Variants in NAV3 observed in about 807,000 individuals in gnomAD.
NAV3 encodes the protein pore membrane and/or filament interacting like protein 1.
A neutral mutation model predicts 244.7 loss-of-function variants in NAV3; 87 were observed. The observed-to-expected ratio is 0.36, with a 90% confidence interval of 0.30 to 0.42. NAV3 has a LOEUF of 0.42. NAV3 is among the 20% of genes least tolerant of loss of function. The probability of loss-of-function intolerance (pLI) is 1.00; values close to 1 mark genes in which losing one functional copy is unlikely to be tolerated. For synonymous variants in NAV3, 1,126 were observed against 1,042.2 expected (o/e 1.08, Z -1.55); for missense variants, 2,663 against 2,893.3 (o/e 0.92, Z 1.83).
At chr12:78,111,432 C>T (rs927016858) in intron 12 of NAV3, among the ~76,000 whole-genome samples, 1 of 151,614 alleles carries the variant, frequency 6.6e-6, no homozygotes, top group African/African-American at 2.4e-5. Context: ...TTAAGACAAC[C>T]CAATAAAAAT....
At chr12:77,575,320 A>T (rs187836132) in intron 2 of NAV3, among the ~76,000 whole-genome samples, 1 of 152,236 alleles carries the variant, frequency 6.6e-6, no homozygotes, top group Non-Finnish European at 1.5e-5. Flanking sequence ...AATACTTTTA[A>T]GGATCTCAAG....
At chr12:77,871,051 C>T (rs999965494) in intron 1 of NAV3, among the ~76,000 whole-genome samples, 7 of 152,098 alleles carry the variant, frequency 4.6e-5, no homozygotes, top group African/African-American at 1.7e-4. Flanking sequence ...GTAACCGGCC[C>T]ATCATAGGAG....
At chr12:77,886,292 C>A (rs977705060) in intron 1 of NAV3, among the ~76,000 whole-genome samples, 3 of 152,148 alleles carry the variant, frequency 2.0e-5, no homozygotes, top group Non-Finnish European at 4.4e-5. Context: ...CTTTATACAG[C>A]CTGCTGTTTA....
chr12:78,048,015 T>C (rs1363262115), intron 9 of NAV3, among the ~76,000 whole-genome samples: 4 of 152,314 alleles, frequency 2.6e-5, no homozygotes, highest in South Asian at 2.1e-4. Context: ...TTTCTACTTA[T>C]GTATGCTTCA....
At chr12:77,691,777 T>A (rs551184911) in intron 2 of NAV3, among the ~76,000 whole-genome samples, 1 of 152,016 alleles carries the variant, frequency 6.6e-6, no homozygotes, top group African/African-American at 2.4e-5. Context: ...TGTAATGATA[T>A]ACTATTTACA....
chr12:77,647,652 T>C (rs1872661202), intron 2 of NAV3, among the ~76,000 whole-genome samples: 1 of 152,116 alleles, frequency 6.6e-6, no homozygotes, highest in Non-Finnish European at 1.5e-5. Context: ...TCATATAAAA[T>C]AAAGTGATTT....
At chr12:77,976,674 C>CTTTTTTTTTTTTTTTTTTT (rs869041498) in intron 5 of NAV3, among the ~76,000 whole-genome samples, 3 of 83,422 alleles carry the variant, frequency 3.6e-5, no homozygotes, top group Non-Finnish European at 4.5e-5. Flanking sequence ...TTCTTTTTTT[C>CTTTTTTTTTTTTTTTTTTT]TTTTTTTTTT....
intron 7 of NAV3, 81 bp downstream of exon 7, chr12:77,998,557 G>GT: frequency 7.0e-7 from 1 of 1,435,192 alleles, no homozygotes; most frequent in Non-Finnish European, 9.3e-7. Context: ...TTTGAGCAGC[G>GT]TAACAACTTT....
At chr12:77,669,055 C>T (rs748846371) in intron 2 of NAV3, among the ~76,000 whole-genome samples, 21 of 152,088 alleles carry the variant, frequency 1.4e-4, no homozygotes, top group African/African-American at 3.6e-4. Flanking sequence ...ATCTAAGTTT[C>T]GTAAATGAAG....
intron 12 of NAV3, among the ~76,000 whole-genome samples, chr12:78,072,237 G>A (rs1952808495): frequency 6.7e-6 from 1 of 149,764 alleles, no homozygotes; most frequent in African/African-American, 2.5e-5. Flanking sequence ...CAAAATTAAT[G>A]AATCCAGGAG....
At chr12:78,107,700 G>T (rs1954875213) in intron 12 of NAV3, among the ~76,000 whole-genome samples, 1 of 151,978 alleles carries the variant, frequency 6.6e-6, no homozygotes, top group Non-Finnish European at 1.5e-5. Flanking sequence ...ACACGAAAAT[G>T]CTGAGGTAGT....
chr12:78,176,701 G>A (rs936801595), intron 26 of NAV3, among the ~76,000 whole-genome samples: 112 of 152,176 alleles, frequency 7.4e-4, no homozygotes, highest in East Asian at 7.8e-4. Flanking sequence ...AATTTGAATA[G>A]AAAAATCACA....
At chr12:77,877,227 C>T (rs1881968916) in intron 1 of NAV3, among the ~76,000 whole-genome samples, 1 of 152,104 alleles carries the variant, frequency 6.6e-6, no homozygotes, top group Non-Finnish European at 1.5e-5. Flanking sequence ...TCTTCCCTAT[C>T]TTGCTGATTC....
In NAV3 at chr12:77,961,032, G is replaced by A. The variant is rs944219180; in HGVS notation, c.415-5197G>A. On this transcript the variant is annotated intron_variant, in intron 3 of 39. Coordinates refer to ENST00000397909, the MANE Select transcript of NAV3 (RefSeq NM_001024383.2). ...ATATATGTATATGTTACATGTATACGCATATATGTATATATGTATATGTTG... is the reference window on the plus strand; with the variant it reads ...ATATATGTATATGTTACATGTATACACATATATGTATATATGTATATGTTG... Among the ~76,000 whole-genome samples, 143 of 129,838 alleles carry A rather than the reference G, an allele frequency of 1.1e-3. 9 individuals carry two copies. The highest frequency in any genetic ancestry group is 3.6e-3 in the African/African-American group (124 of 34,590). 85.2% of individuals were successfully genotyped at this position (129,838 alleles called of 152,430 possible). A position where few individuals can be genotyped will look rare whatever the true frequency, so the allele number is the denominator to read the frequency against.
intron 2 of NAV3, among the ~76,000 whole-genome samples, chr12:77,767,568 G>A (rs144216720): frequency 3.5e-4 from 54 of 152,328 alleles, no homozygotes; most frequent in African/African-American, 1.2e-3. Flanking sequence ...ATACAGCCAA[G>A]CACACTAGCC....
At chr12:77,718,886 C>T (rs1876486246) in intron 2 of NAV3, among the ~76,000 whole-genome samples, 1 of 152,008 alleles carries the variant, frequency 6.6e-6, no homozygotes, top group South Asian at 2.1e-4. Flanking sequence ...AACTCCTGAC[C>T]TCAGGTGATC....
intron 2 of NAV3, among the ~76,000 whole-genome samples, chr12:77,781,113 G>A (rs1199758420): frequency 6.6e-6 from 1 of 152,116 alleles, no homozygotes; most frequent in Non-Finnish European, 1.5e-5. Context: ...ATCTCACAAG[G>A]CTGCAATGAA....
rs752747196 is a variant in NAV3, at chr12:77,831,490, T to C, written c.29T>C (p.Leu10Pro). Reference protein sequence around the residue: MPVLGVASKLRQPAVGSKPV... With the variant: MPVLGVASKPRQPAVGSKPV... ...CCTGTTCTTGGGGTTGCCTCAAAACTGAGGCAGCCAGCTGTTGGGTCAAAG... is the reference window on the plus strand; with the variant it reads ...CCTGTTCTTGGGGTTGCCTCAAAACCGAGGCAGCCAGCTGTTGGGTCAAAG... The change falls in exon 1 of 40, where the codon CTG (leucine) becomes CCG (proline). Residue 10 changes from leucine (L) to proline (P), a missense_variant. This residue lies in a region of NAV3 where 1,521 missense variants were observed against 1,497.0 expected (regional missense o/e 1.02). Coordinates refer to ENST00000397909, the MANE Select transcript of NAV3 (RefSeq NM_001024383.2). 3 of 1,608,768 alleles carry C rather than the reference T, an allele frequency of 1.9e-6. No individual in the cohort carries two copies. In the African/African-American group the frequency reaches 4.0e-5, roughly 22 times the overall value.
chr12:77,815,108 T>G (rs1222780496), intron 2 of NAV3, among the ~76,000 whole-genome samples: 1 of 152,206 alleles, frequency 6.6e-6, no homozygotes, highest in Non-Finnish European at 1.5e-5. Flanking sequence ...CTGGCTCTAT[T>G]CACTACAAGT....
Sources: allele counts gnomAD v4.1 joint callset (sites outside exome capture counted in the v4.1 genomes callset), GRCh38; gene constraint gnomAD v4.1.1; regional missense constraint gnomAD v4.1.1; transcripts MANE v1.5; gene names NCBI Gene and HGNC (gene_info 2026-07-23, HGNC 2026-07-21).